Variants in LPP observed in about 807,000 individuals in gnomAD.
LPP encodes the protein lipoma-preferred partner.
Under a neutral mutation model 60.4 loss-of-function variants are expected in LPP, and 38 were observed. That is an observed-to-expected ratio of 0.63 (90% CI 0.49 to 0.83). LPP has a LOEUF of 0.83. Among genes scored for constraint, LPP ranks in the 40% least tolerant of loss-of-function variants. The probability of loss-of-function intolerance (pLI) is 0.00; values close to 1 mark genes in which losing one functional copy is unlikely to be tolerated. For synonymous variants in LPP, 328 were observed against 290.8 expected (o/e 1.13, Z -1.30); for missense variants, 902 against 783.6 (o/e 1.15, Z -1.80).
chr3:188,807,738 T>C (rs1749611252), intron 9 of LPP, among the ~76,000 whole-genome samples: 1 of 152,202 alleles, frequency 6.6e-6, no homozygotes, highest in African/African-American at 2.4e-5. Context: ...TGACAGTCTC[T>C]ATATCTTTGA....
intron 1 of LPP, chr3:188,178,899 T>G (rs1372941037): frequency 4.2e-6 from 1 of 237,932 alleles, no homozygotes; most frequent in African/African-American, 2.3e-5. Flanking sequence ...GGTGAGAGAG[T>G]CCATCATCAT....
chr3:188,607,165 A>ACACACACT (rs1242593405), intron 6 of LPP, among the ~76,000 whole-genome samples: 124 of 125,464 alleles, frequency 9.9e-4, no homozygotes, highest in Middle Eastern at 4.5e-3. Context: ...ACACACACAC[A>ACACACACT]CTATTTAAAC....
At chr3:188,455,524 T>C (rs976465674) in intron 4 of LPP, among the ~76,000 whole-genome samples, 3 of 152,182 alleles carry the variant, frequency 2.0e-5, no homozygotes, top group Admixed American at 6.6e-5. Flanking sequence ...ATTGATATCA[T>C]GTGTGACATT....
intron 2 of LPP, among the ~76,000 whole-genome samples, chr3:188,251,612 G>T (rs966547205): frequency 5.9e-4 from 90 of 151,970 alleles, no homozygotes; most frequent in African/African-American, 2.1e-3. Flanking sequence ...CTATTAATTT[G>T]CTAATACCAC....
At chr3:188,208,838 T>C (rs1445263431) in intron 1 of LPP, among the ~76,000 whole-genome samples, 2 of 152,244 alleles carry the variant, frequency 1.3e-5, no homozygotes, top group Admixed American at 6.5e-5. Flanking sequence ...ATCATTTTCC[T>C]TTAATTCCCA....
At chr3:188,512,559 A>ATAAG (rs941285992) in intron 5 of LPP, among the ~76,000 whole-genome samples, 1 of 3,286 alleles carries the variant, frequency 3.0e-4, no homozygotes, top group Non-Finnish European at 1.6e-3. Context: ...AACCCGGTCT[A>ATAAG]TAAATAAATA....
chr3:188,563,454 A>G (rs1283028252), intron 6 of LPP, among the ~76,000 whole-genome samples: 1 of 101,526 alleles, frequency 9.8e-6, no homozygotes, highest in Non-Finnish European at 2.0e-5. Context: ...ATACATTTAC[A>G]TATATATGTG....
Position 188,874,477 on chromosome 3 carries a change from T to C in LPP, c.1837T>C (p.Ter613GlnextTer18), listed in dbSNP as rs1332730092. ...GACCGCCAAGGCGAGCACTGACCTTTAGATTCAGTCACCTGTTCAGCCGGC... is the reference window on the plus strand; with the variant it reads ...GACCGCCAAGGCGAGCACTGACCTTCAGATTCAGTCACCTGTTCAGCCGGC... ...VLTAKASTDL[*>Q] The change falls in exon 12 of 12, where the codon TAG becomes CAG. Residue 613 changes from the stop codon to glutamine (Q), a stop_lost. Transcript: ENST00000617246. The C allele has an allele frequency of 6.2e-7, 1 of 1,613,676 alleles. No homozygotes were observed. Among genetic ancestry groups the C allele is most frequent in the Non-Finnish European group, 8.5e-7 (1 of 1,179,744 alleles).
intron 4 of LPP, among the ~76,000 whole-genome samples, chr3:188,415,318 C>T (rs1785913348): frequency 6.6e-6 from 1 of 152,112 alleles, no homozygotes; most frequent in African/African-American, 2.4e-5. Context: ...GAAATGATCT[C>T]TCACAATGCT....
At chr3:188,724,810 A>C (rs984093935) in intron 8 of LPP, among the ~76,000 whole-genome samples, 1 of 152,198 alleles carries the variant, frequency 6.6e-6, no homozygotes, top group African/African-American at 2.4e-5. Flanking sequence ...TGCCTATGGC[A>C]TCTTCTAGTC....
chr3:188,559,480 T>G (rs1280440380), intron 6 of LPP, among the ~76,000 whole-genome samples: 1 of 152,064 alleles, frequency 6.6e-6, no homozygotes, highest in Admixed American at 6.6e-5. Flanking sequence ...TTAAAGATGA[T>G]GGTACTATAA....
intron 4 of LPP, among the ~76,000 whole-genome samples, chr3:188,479,051 A>G (rs962947035): frequency 2.0e-5 from 3 of 152,050 alleles, no homozygotes; most frequent in African/African-American, 7.2e-5. Context: ...GCACCCAGCC[A>G]CTAGTTACTA....
chr3:188,588,158 T>A (rs573261750), intron 6 of LPP, among the ~76,000 whole-genome samples: 1 of 152,356 alleles, frequency 6.6e-6, no homozygotes, highest in East Asian at 1.9e-4. Context: ...TATACAGCTC[T>A]GACAATAGGG....
chr3:188,265,336 G>T (rs560561890), intron 2 of LPP, among the ~76,000 whole-genome samples: 322 of 152,322 alleles, frequency 2.1e-3, no homozygotes, highest in Non-Finnish European at 3.5e-3. Context: ...TGGCCTTGAA[G>T]AAATTAAGAT....
At chr3:188,570,383 T>A (rs900583317) in intron 6 of LPP, among the ~76,000 whole-genome samples, 2 of 152,070 alleles carry the variant, frequency 1.3e-5, no homozygotes, top group African/African-American at 4.8e-5. Context: ...TTAGTATGTA[T>A]GAAGCATTTG....
chr3:188,432,969 T>C (rs923291860), intron 4 of LPP, among the ~76,000 whole-genome samples: 6 of 152,094 alleles, frequency 3.9e-5, no homozygotes, highest in African/African-American at 1.4e-4. Context: ...CTGTGCAGGA[T>C]AGGAATGAAC....
rs545498157 is a variant in LPP, at chr3:188,407,681, G to T, written c.193+1368G>T. Among the ~76,000 whole-genome samples, 5 of 151,772 alleles carry T rather than the reference G, an allele frequency of 3.3e-5. No homozygotes were observed. The South Asian group carries it at 1.0e-3, about 32-fold the overall frequency. ...GCTTTCTTTGACTCATCCTTCTTTA[G>T]TGACTTCAGGGCTTGGGAATGGGAT... On this transcript the variant is annotated intron_variant, in intron 4 of 11. Coordinates refer to ENST00000617246, the MANE Select transcript of LPP (RefSeq NM_001375462.1).
chr3:188,802,584 A>T (rs1577654887), intron 9 of LPP, among the ~76,000 whole-genome samples: 1 of 152,160 alleles, frequency 6.6e-6, no homozygotes, highest in Non-Finnish European at 1.5e-5. Context: ...GGTGTTCTAG[A>T]CCAGCCTGGC....
chr3:188,846,043 CATT>C (rs1761302517), intron 9 of LPP, among the ~76,000 whole-genome samples: 1 of 152,188 alleles, frequency 6.6e-6, no homozygotes, highest in Non-Finnish European at 1.5e-5. Flanking sequence ...TTAGGTCAGT[CATT>C]AGTCAATGAA....
Sources: allele counts gnomAD v4.1 joint callset (sites outside exome capture counted in the v4.1 genomes callset), GRCh38; gene constraint gnomAD v4.1.1; transcripts MANE v1.5; gene names NCBI Gene and HGNC (gene_info 2026-07-23, HGNC 2026-07-21).